The following TPD52 variants were observed in gnomAD, a reference collection of about 807,000 sequenced individuals.
The protein encoded by TPD52 is prostate and colon associated protein.
Under a neutral mutation model 31.3 loss-of-function variants are expected in TPD52, and 17 were observed. The observed-to-expected ratio is 0.54, with a 90% CI of 0.37 to 0.82. The LOEUF is 0.82. Ranked by LOEUF, TPD52 falls within the 40% of genes least tolerant of loss-of-function variation. The probability of loss-of-function intolerance (pLI) is 0.00; values close to 1 mark genes in which losing one functional copy is unlikely to be tolerated. For synonymous variants in TPD52, 83 were observed against 89.6 expected, an observed-to-expected ratio of 0.93 and a Z score of 0.42; for missense variants, 212 against 240.1, an observed-to-expected ratio of 0.88 and a Z score of 0.77.
intron 1 of TPD52, among the ~76,000 whole-genome samples, chr8:80,077,726 G>A (rs1005912209): frequency 7.2e-5 from 11 of 152,154 alleles, no homozygotes; most frequent in South Asian, 2.1e-4. Flanking sequence ...GAGTGTGAAC[G>A]ACTCCTTACC....
intron 3 of TPD52, 91 bp downstream of exon 3, chr8:80,053,191 T>C: frequency 7.0e-7 from 1 of 1,425,324 alleles, no homozygotes; most frequent in South Asian, 1.5e-5. Context: ...TGCTGAAGCA[T>C]CCTTATCCTC....
At chr8:80,072,314 T>A (rs540879010) in intron 1 of TPD52, among the ~76,000 whole-genome samples, 2 of 129,310 alleles carry the variant, frequency 1.5e-5, no homozygotes, top group South Asian at 5.2e-4. Flanking sequence ...CTAAAAAACA[T>A]ATATGTGTGT....
chr8:80,040,304 C>T (rs1233057208), intron 7 of TPD52, among the ~76,000 whole-genome samples: 1 of 148,792 alleles, frequency 6.7e-6, no homozygotes, highest in African/African-American at 2.5e-5. Flanking sequence ...CTTCCTACCT[C>T]AGCCTCCCGA....
chr8:80,070,661 G>A (rs1350497691), intron 1 of TPD52, among the ~76,000 whole-genome samples: 2 of 152,184 alleles, frequency 1.3e-5, no homozygotes, highest in Non-Finnish European at 2.9e-5. Flanking sequence ...CCACAGATGG[G>A]TACCAGTCCA....
rs575942878 is a variant in TPD52 at position 80,166,346 on chromosome 8, C to T, written c.19+5079G>A. ...CTCCCAGGTTGAAGCGATTCTCCCG[C>T]CTCAGCTTCCCTAGTAGCTGGGATT... On this transcript the variant is annotated intron_variant, in intron 1 of 7. Transcript: ENST00000518937. Among the ~76,000 whole-genome samples the T allele has an allele frequency of 2.0e-5, 3 of 152,042 alleles. No individual in the cohort carries two copies. The East Asian group carries it at 6.1e-4, about 31-fold the overall frequency.
intron 1 of TPD52, among the ~76,000 whole-genome samples, chr8:80,118,509 GAAATACTGTA>G (rs1221863355): frequency 2.0e-5 from 3 of 152,304 alleles, no homozygotes; most frequent in South Asian, 2.1e-4. Flanking sequence ...AGAATGTGAG[GAAATACTGTA>G]AAATCATCTA....
At chr8:80,063,195 T>C (rs915886827) in intron 2 of TPD52, among the ~76,000 whole-genome samples, 1 of 152,196 alleles carries the variant, frequency 6.6e-6, no homozygotes, top group Non-Finnish European at 1.5e-5. Flanking sequence ...AATAGATACA[T>C]GTAATGGAAT....
intron 5 of TPD52, among the ~76,000 whole-genome samples, chr8:80,047,675 T>A (rs963135231): frequency 6.6e-6 from 1 of 152,194 alleles, no homozygotes; most frequent in Non-Finnish European, 1.5e-5. Context: ...TTAAAGTGTT[T>A]CAAATTCTAA....
intron 1 of TPD52, among the ~76,000 whole-genome samples, chr8:80,076,160 C>T (rs1246940217): frequency 1.3e-5 from 2 of 152,218 alleles, no homozygotes; most frequent in East Asian, 1.9e-4. Flanking sequence ...ACTGGGTATA[C>T]ACCCAAAGGA....
intron 2 of TPD52, among the ~76,000 whole-genome samples, chr8:80,061,743 T>C (rs1812581631): frequency 6.6e-6 from 1 of 151,992 alleles, no homozygotes; most frequent in African/African-American, 2.4e-5. Flanking sequence ...AAATATAAGA[T>C]CAAGATATAA....
intron 1 of TPD52, among the ~76,000 whole-genome samples, chr8:80,065,800 T>C (rs1813078179): frequency 6.6e-6 from 1 of 152,192 alleles, no homozygotes; most frequent in Admixed American, 6.5e-5. Context: ...TTTACATTAA[T>C]TTTTAAAAAT....
chr8:80,137,200 C>G (rs1365190), intron 1 of TPD52, among the ~76,000 whole-genome samples: 73,931 of 151,694 alleles, frequency 0.49, 18,291 homozygotes, highest in East Asian at 0.78. Context: ...TGTTTGCCTG[C>G]GGGCACGGGA....
rs558279171 is a variant in TPD52, at chr8:80,140,480, T to C, written c.19+30945A>G. On this transcript the variant is annotated intron_variant, in intron 1 of 7. Coordinates refer to ENST00000518937, the MANE Select transcript of TPD52 (RefSeq NM_001025253.3). ...TTTTCAGACATAAAGTAGTATTTAA[T>C]GGTTTTGCTTATTAGTCTCCAAGCC... Among the ~76,000 whole-genome samples, 5 of 152,332 alleles carry C rather than the reference T, an allele frequency of 3.3e-5. No individual in the cohort carries two copies. In the South Asian group the frequency reaches 1.0e-3, roughly 32 times the overall value.
intron 2 of TPD52, among the ~76,000 whole-genome samples, chr8:80,059,412 T>G (rs1002678743): frequency 5.3e-5 from 8 of 150,722 alleles, no homozygotes; most frequent in Admixed American, 5.3e-4. Flanking sequence ...AATAGAAAAC[T>G]ACACCCAAAG....
intron 2 of TPD52, among the ~76,000 whole-genome samples, chr8:80,061,294 G>A (rs1392912417): frequency 6.6e-6 from 1 of 151,736 alleles, no homozygotes; most frequent in African/African-American, 2.4e-5. Flanking sequence ...AACCTGGGAG[G>A]TGGAGGTTGC....
At chr8:80,159,192 C>T (rs1229007742) in intron 1 of TPD52, among the ~76,000 whole-genome samples, 1 of 152,108 alleles carries the variant, frequency 6.6e-6, no homozygotes, top group African/African-American at 2.4e-5. Context: ...AATTTTCATG[C>T]ATATGTGAGA....
chr8:80,071,672 C>G (rs1404468780), intron 1 of TPD52, among the ~76,000 whole-genome samples: 1 of 152,154 alleles, frequency 6.6e-6, no homozygotes, highest in Non-Finnish European at 1.5e-5. Flanking sequence ...CTCTGGACAT[C>G]CACTTCACTC....
chr8:80,068,220 C>T (rs1045890289), intron 1 of TPD52, among the ~76,000 whole-genome samples: 7 of 152,020 alleles, frequency 4.6e-5, no homozygotes, highest in African/African-American at 1.2e-4. Flanking sequence ...AACCACCATC[C>T]GAGAGGAGTA....
chr8:80,160,241 G>C (rs540798089), intron 1 of TPD52, among the ~76,000 whole-genome samples: 3 of 152,156 alleles, frequency 2.0e-5, no homozygotes, highest in African/African-American at 7.2e-5. Flanking sequence ...TATTCTCTTA[G>C]AGACAACAGA....
Sources: gnomAD v4.1 joint callset for allele counts (sites outside exome capture counted in the v4.1 genomes callset) on GRCh38, gnomAD v4.1.1 for gene constraint, MANE v1.5 for transcripts, NCBI Gene and HGNC (gene_info 2026-07-23, HGNC 2026-07-21) for gene names.